The following DOK6 variants were observed in gnomAD, a reference collection of about 807,000 sequenced individuals.
The protein encoded by DOK6 is docking protein 6.
A neutral mutation model predicts 44.0 loss-of-function variants in DOK6; 22 were observed. The ratio of observed to expected loss-of-function variants is 0.50; its 90% CI spans 0.36 to 0.71. The LOEUF is 0.71. DOK6 is among the 30% of genes least tolerant of loss of function. DOK6 has a pLI of 0.00. For synonymous variants in DOK6, 166 were observed against 145.5 expected (o/e 1.14, Z -1.01); for missense variants, 340 against 416.4 (o/e 0.82, Z 1.60).
intron 1 of DOK6, among the ~76,000 whole-genome samples, chr18:69,448,608 A>G (rs1460613335): frequency 1.3e-5 from 2 of 152,160 alleles, no homozygotes; most frequent in African/African-American, 4.8e-5. Flanking sequence ...TCCTAGCCTC[A>G]GGTGATCCAC....
chr18:69,453,351 G>C (rs1349117255), intron 1 of DOK6, among the ~76,000 whole-genome samples: 1 of 92,606 alleles, frequency 1.1e-5, no homozygotes, highest in East Asian at 3.4e-4. Flanking sequence ...AACTTACAAG[G>C]GATGTGAAGG....
intron 2 of DOK6, among the ~76,000 whole-genome samples, chr18:69,572,289 G>A (rs1983132913): frequency 6.6e-6 from 1 of 152,100 alleles, no homozygotes; most frequent in African/African-American, 2.4e-5. Context: ...GTGAATGAAA[G>A]GTAGAACTCA....
rs1434472265 is a variant in DOK6, at chr18:69,540,914, T to C, written c.67-23573T>C. Among the ~76,000 whole-genome samples the C allele has an allele frequency of 3.3e-5, 5 of 152,194 alleles. No individual in the cohort carries two copies. The East Asian group carries it at 9.6e-4, about 29-fold the overall frequency. On this transcript the variant is annotated intron_variant, in intron 1 of 7. Transcript: ENST00000382713. ...AACATTTCTACTACCACACAAATCA[T>C]AGTTCTGTTAAAGAATCTTTGTTGT...
chr18:69,566,716 T>A (rs1294961656), intron 2 of DOK6, among the ~76,000 whole-genome samples: 2 of 152,196 alleles, frequency 1.3e-5, no homozygotes, highest in African/African-American at 4.8e-5. Flanking sequence ...ATAACTTCAA[T>A]TCAATATAGC....
intron 3 of DOK6, among the ~76,000 whole-genome samples, chr18:69,657,072 A>G (rs1008068713): frequency 1.3e-5 from 2 of 152,228 alleles, no homozygotes; most frequent in African/African-American, 4.8e-5. Context: ...ATCCAAGTAA[A>G]TGCAAATACG....
chr18:69,436,621 T>A (rs894139249), intron 1 of DOK6, among the ~76,000 whole-genome samples: 3 of 152,168 alleles, frequency 2.0e-5, no homozygotes, highest in Non-Finnish European at 4.4e-5. Flanking sequence ...AATAAACATA[T>A]GTATGCATGT....
intron 7 of DOK6, among the ~76,000 whole-genome samples, chr18:69,828,884 G>GTGTATATATATATATATATATA (rs1555673465): frequency 2.2e-5 from 2 of 90,212 alleles, no homozygotes; most frequent in African/African-American, 3.1e-5. Flanking sequence ...ACATTTATGT[G>GTGTATATATATATATATATATA]TATATATATA....
chr18:69,534,682 A>T (rs1323286496), intron 1 of DOK6, among the ~76,000 whole-genome samples: 1 of 152,070 alleles, frequency 6.6e-6, no homozygotes, highest in Non-Finnish European at 1.5e-5. Flanking sequence ...ACAAAGGAGT[A>T]TGCCAGCAGA....
At chr18:69,734,277 G>A (rs1978521856) in intron 5 of DOK6, among the ~76,000 whole-genome samples, 2 of 147,748 alleles carry the variant, frequency 1.4e-5, no homozygotes, top group Non-Finnish European at 3.0e-5. Flanking sequence ...TTGACTTTCT[G>A]TACTGTTGCT....
intron 7 of DOK6, among the ~76,000 whole-genome samples, chr18:69,784,584 A>G (rs1330292317): frequency 6.6e-6 from 1 of 152,080 alleles, no homozygotes; most frequent in East Asian, 1.9e-4. Context: ...AGATTAAGTG[A>G]AAATGGCTAT....
At chr18:69,516,945 G>A (rs1340254978) in intron 1 of DOK6, among the ~76,000 whole-genome samples, 1 of 151,542 alleles carries the variant, frequency 6.6e-6, no homozygotes, top group East Asian at 1.9e-4. Context: ...GCCTCACAAA[G>A]TGCTGGGATT....
At chr18:69,571,984 T>C (rs755132888) in intron 2 of DOK6, among the ~76,000 whole-genome samples, 4 of 152,084 alleles carry the variant, frequency 2.6e-5, no homozygotes, top group Non-Finnish European at 5.9e-5. Context: ...CGTTCAAGAA[T>C]ATTAACAAGT....
rs1398151154 is a variant in DOK6, at chr18:69,846,767, T to C, written c.*5384T>C. 2 of 152,216 alleles carry C rather than the reference T, an allele frequency of 1.3e-5. No individual in the cohort carries two copies. The highest frequency in any genetic ancestry group is 2.4e-5 in the African/African-American group (1 of 41,466). 9.4% of individuals were successfully genotyped at this position (152,216 alleles called of 1,614,324 possible). On this transcript the variant is annotated 3_prime_UTR_variant, in exon 8 of 8. Transcript: ENST00000382713. ...TAGCACTTTACGGTGTCATTATTTA[T>C]GGCATTTTTAACAACTTTGTTGCAT...
intron 2 of DOK6, among the ~76,000 whole-genome samples, chr18:69,594,589 C>CAAAAAAAA: frequency 7.7e-6 from 1 of 129,160 alleles, no homozygotes; most frequent in Non-Finnish European, 1.6e-5. Flanking sequence ...AGCAAACAGG[C>CAAAAAAAA]AAAAAAAAAA....
chr18:69,704,811 C>T (rs932618369), intron 5 of DOK6, among the ~76,000 whole-genome samples: 7 of 152,104 alleles, frequency 4.6e-5, no homozygotes, highest in Admixed American at 4.6e-4. Flanking sequence ...AAAGAATGAT[C>T]CAGAAAAAGA....
chr18:69,662,226 TGC>T, intron 3 of DOK6: 1 of 152,376 alleles, frequency 6.6e-6, no homozygotes, highest in Admixed American at 6.5e-5. Context: ...CTGATCCACC[TGC>T]CCTGGTCTCC....
chr18:69,505,501 T>C (rs925353011), intron 1 of DOK6, among the ~76,000 whole-genome samples: 1 of 145,524 alleles, frequency 6.9e-6, no homozygotes. Flanking sequence ...CTTTTTTTTT[T>C]TTTTTTTTTT....
chr18:69,591,363 T>C (rs1183373545), intron 2 of DOK6, among the ~76,000 whole-genome samples: 1 of 152,104 alleles, frequency 6.6e-6, no homozygotes. Flanking sequence ...AAACAGCTAT[T>C]TTAATGAATG....
In DOK6 at chr18:69,846,945, GAA is replaced by G. The variant is rs1467911781; in HGVS notation, c.*5563_*5564del. The G allele has an allele frequency of 6.6e-5, 10 of 151,028 alleles. No homozygotes were observed. Among genetic ancestry groups the G allele is most frequent in the Non-Finnish European group, 5.9e-5 (4 of 67,980 alleles). 9.4% of individuals were successfully genotyped at this position (151,028 alleles called of 1,614,324 possible). A position where few individuals can be genotyped will look rare whatever the true frequency, so the allele number is the denominator to read the frequency against. ...CAGTAGACAATGATTTAAATTAACT[GAA>G]GTTTAAATAAGAAATATGTTAAAAT... On this transcript the variant is annotated 3_prime_UTR_variant, in exon 8 of 8. Coordinates refer to ENST00000382713, the MANE Select transcript of DOK6 (RefSeq NM_152721.6).
Sources: gnomAD v4.1 joint callset for allele counts (sites outside exome capture counted in the v4.1 genomes callset) on GRCh38, gnomAD v4.1.1 for gene constraint, MANE v1.5 for transcripts, NCBI Gene and HGNC (gene_info 2026-07-23, HGNC 2026-07-21) for gene names.